ARSG: variants seen among roughly 807,000 people sequenced by gnomAD.
ARSG encodes ASG.
Under a neutral mutation model 50.5 loss-of-function variants are expected in ARSG, and 37 were observed. That is an observed-to-expected ratio of 0.73 (90% confidence interval 0.56 to 0.96). The LOEUF (loss-of-function observed/expected upper bound fraction) is 0.96. ARSG is among the 50% of genes least tolerant of loss of function. ARSG has a pLI of 0.00. For synonymous variants in ARSG, 225 were observed against 254.6 expected, an observed-to-expected ratio of 0.88 and a Z score of 1.11; for missense variants, 629 against 675.3, an observed-to-expected ratio of 0.93 and a Z score of 0.76.
intron 10 of ARSG, among the ~76,000 whole-genome samples, chr17:68,398,179 C>G (rs1331855390): frequency 1.3e-5 from 2 of 152,196 alleles, no homozygotes; most frequent in African/African-American, 4.8e-5. Flanking sequence ...CACATGCATA[C>G]ACATGTTCGC....
At chr17:68,396,904 C>T (rs780791814) in intron 10 of ARSG, among the ~76,000 whole-genome samples, 7 of 152,146 alleles carry the variant, frequency 4.6e-5, no homozygotes, top group Non-Finnish European at 8.8e-5. Context: ...AGATGGTTTC[C>T]GCCTTGAGGT....
intron 2 of ARSG, among the ~76,000 whole-genome samples, chr17:68,322,650 GAAATT>G (rs1395227410): frequency 6.6e-6 from 1 of 150,398 alleles, no homozygotes; most frequent in Non-Finnish European, 1.5e-5. Context: ...AAAAAAAAAA[GAAATT>G]AAGATAGCTG....
intron 2 of ARSG, among the ~76,000 whole-genome samples, chr17:68,339,887 G>A (rs1000203376): frequency 1.3e-5 from 2 of 152,130 alleles, no homozygotes; most frequent in East Asian, 1.9e-4. Context: ...ATGATGCTCC[G>A]CGGTTGACAC....
At chr17:68,278,580 A>G (rs1370834966) in intron 1 of ARSG, among the ~76,000 whole-genome samples, 2 of 150,132 alleles carry the variant, frequency 1.3e-5, no homozygotes, top group Non-Finnish European at 3.0e-5. Flanking sequence ...GACTACAGGC[A>G]TGTGCCACCA....
At chr17:68,450,785 T>C in the ARSG span, 1 of 1,614,048 alleles carries the variant, frequency 6.2e-7, no homozygotes, top group African/African-American at 1.3e-5. Context: ...TACAGATCTC[T>C]GTGCCTTTCT....
intron 2 of ARSG, among the ~76,000 whole-genome samples, chr17:68,334,377 C>T (rs1431051741): frequency 6.6e-6 from 1 of 152,132 alleles, no homozygotes; most frequent in Admixed American, 6.5e-5. Context: ...AGGACAGTGG[C>T]GTCACCCAAT....
At chr17:68,431,389 G>A in the ARSG span, among the ~76,000 whole-genome samples, 5 of 152,150 alleles carry the variant, frequency 3.3e-5, 1 homozygote, top group East Asian at 7.7e-4. Flanking sequence ...GGCACGTGGC[G>A]CATACTGTTT....
At chr17:68,370,981 C>G (rs954282392) in intron 8 of ARSG, among the ~76,000 whole-genome samples, 1 of 151,966 alleles carries the variant, frequency 6.6e-6, no homozygotes, top group African/African-American at 2.4e-5. Flanking sequence ...CCAGTTCTTA[C>G]AAGAGTGAGA....
In ARSG at chr17:68,370,451, T is replaced by C. The variant is rs750966810; in HGVS notation, c.909T>C (p.Asn303=). The C allele has an allele frequency of 6.2e-7, 1 of 1,614,080 alleles. No homozygotes were observed. The highest frequency in any genetic ancestry group is 8.5e-7 in the Non-Finnish European group (1 of 1,180,000). Residue 303 remains asparagine, a synonymous_variant, in exon 8 of 12, where the codon AAT becomes AAC. Coordinates refer to ENST00000621439, the MANE Select transcript of ARSG (RefSeq NM_001267727.2). ...ENTFLWFTGD[N]GPWAQKCELA... is the part of the protein sequence containing the mutation. ...GCTTTTTCTGGTTTCTAGGAGACAA[T>C]GGCCCGTGGGCTCAGAAGTGTGAGC...
the ARSG span, among the ~76,000 whole-genome samples, chr17:68,444,895 T>C: frequency 6.7e-6 from 1 of 150,154 alleles, no homozygotes; most frequent in Non-Finnish European, 1.5e-5. Context: ...CTTCTTTCCT[T>C]AGAACAGGGA....
chr17:68,448,783 G>C, the ARSG span, among the ~76,000 whole-genome samples: 11 of 152,174 alleles, frequency 7.2e-5, no homozygotes, highest in Non-Finnish European at 1.5e-4. Flanking sequence ...GTTTAGCAGC[G>C]AAACTTAATC....
intron 9 of ARSG, among the ~76,000 whole-genome samples, chr17:68,390,264 G>T (rs907073863): frequency 2.6e-5 from 4 of 151,822 alleles, no homozygotes; most frequent in Non-Finnish European, 5.9e-5. Context: ...CATCCTCCTC[G>T]CCACCACTGC....
chr17:68,446,833 A>G, the ARSG span, among the ~76,000 whole-genome samples: 1 of 152,136 alleles, frequency 6.6e-6, no homozygotes, highest in Non-Finnish European at 1.5e-5. Context: ...TGATGGCACC[A>G]TCTGCTCTGC....
At chr17:68,405,538 C>T (rs1370409847) in intron 11 of ARSG, among the ~76,000 whole-genome samples, 1 of 152,082 alleles carries the variant, frequency 6.6e-6, no homozygotes, top group Non-Finnish European at 1.5e-5. Context: ...TTCAATCCTG[C>T]CATTTTGCTG....
chr17:68,350,609 A>AC (rs1245027122), intron 4 of ARSG, among the ~76,000 whole-genome samples: 1 of 151,212 alleles, frequency 6.6e-6, no homozygotes, highest in African/African-American at 2.4e-5. Context: ...CACGGTGAAA[A>AC]CCCATCTCTA....
At chr17:68,292,169 A>T (rs79768114) in intron 1 of ARSG, among the ~76,000 whole-genome samples, 1 of 152,018 alleles carries the variant, frequency 6.6e-6, no homozygotes, top group Non-Finnish European at 1.5e-5. Flanking sequence ...CAGCAACAGC[A>T]TCCGCGTTGC....
intron 6 of ARSG, among the ~76,000 whole-genome samples, chr17:68,362,168 C>T (rs973609527): frequency 6.6e-6 from 1 of 152,060 alleles, no homozygotes; most frequent in Non-Finnish European, 1.5e-5. Context: ...TTCCTTGACT[C>T]ACTATCCGTC....
At chr17:68,309,420 C>T (rs1254524743) in intron 2 of ARSG, among the ~76,000 whole-genome samples, 6 of 152,228 alleles carry the variant, frequency 3.9e-5, no homozygotes, top group Non-Finnish European at 7.3e-5. Flanking sequence ...GCAGAGGAGG[C>T]GCCGAGAGCG....
At chr17:68,285,275 C>G (rs148295016) in intron 1 of ARSG, among the ~76,000 whole-genome samples, 1 of 152,272 alleles carries the variant, frequency 6.6e-6, no homozygotes, top group East Asian at 1.9e-4. Flanking sequence ...ATGGAGGGCT[C>G]AGGACCACCT....
Sources: gnomAD v4.1 joint callset for allele counts (sites outside exome capture counted in the v4.1 genomes callset) on GRCh38, gnomAD v4.1.1 for gene constraint, MANE v1.5 for transcripts, NCBI Gene and HGNC (gene_info 2026-07-23, HGNC 2026-07-21) for gene names.